MAPRE2: variants seen among roughly 807,000 people sequenced by gnomAD.
MAPRE2 encodes microtubule associated protein RP/EB family member 2.
A neutral mutation model predicts 43.2 loss-of-function variants in MAPRE2; 13 were observed. The observed-to-expected ratio is 0.30, with a 90% CI of 0.20 to 0.48. The LOEUF (loss-of-function observed/expected upper bound fraction) is 0.48. Among genes scored for constraint, MAPRE2 ranks in the 20% least tolerant of loss-of-function variants. The pLI, the probability that MAPRE2 is intolerant of heterozygous loss-of-function variation, is 0.99. For missense variants in MAPRE2, 161 were observed against 400.2 expected, an observed-to-expected ratio of 0.40 and a Z score of 5.10; for synonymous variants, 135 against 148.8, an observed-to-expected ratio of 0.91 and a Z score of 0.68.
chr18:35,082,430 A>G (rs1175496052), intron 2 of MAPRE2, among the ~76,000 whole-genome samples: 1 of 152,190 alleles, frequency 6.6e-6, no homozygotes. Flanking sequence ...CTGGCATTTA[A>G]AGCCTTGAGC....
chr18:35,053,009 CA>C (rs764257176), intron 1 of MAPRE2, among the ~76,000 whole-genome samples: 63,990 of 133,886 alleles, frequency 0.48, 14,796 homozygotes, highest in Non-Finnish European at 0.54. Context: ...AAGTCCCCCC[CA>C]CACACACACA....
At position 35,001,404 on chromosome 18, in the gene MAPRE2, C is replaced by T. The variant is rs578149396; in HGVS notation, c.-69-4088C>T. On this transcript the variant is annotated intron_variant, in intron 1 of 7. Transcript: ENST00000413393. ...TGGCACATGCCTGTAATCCCAGCTACGCGGGAGGTTGAGGCACGAGAATCG... is the reference window on the plus strand; with the variant it reads ...TGGCACATGCCTGTAATCCCAGCTATGCGGGAGGTTGAGGCACGAGAATCG... Among the ~76,000 whole-genome samples the T allele has an allele frequency of 2.0e-5, 3 of 151,950 alleles. No homozygotes were observed. In the South Asian group the frequency reaches 6.2e-4, roughly 32 times the overall value.
At chr18:34,978,680 C>A in intron 1 of MAPRE2, 1 of 793,270 alleles carries the variant, frequency 1.3e-6, no homozygotes, top group Non-Finnish European at 2.1e-6. Context: ...ACTTTGCTTT[C>A]GTTCTTTTCT....
chr18:34,988,579 T>A (rs1342519011), intron 1 of MAPRE2: 1 of 152,164 alleles, frequency 6.6e-6, no homozygotes, highest in Non-Finnish European at 1.5e-5. Flanking sequence ...TGTTTAATGA[T>A]CTGCTTCATA....
intron 5 of MAPRE2, among the ~76,000 whole-genome samples, chr18:35,130,131 C>G (rs188276020): frequency 4.8e-4 from 72 of 151,200 alleles, no homozygotes; most frequent in African/African-American, 1.7e-3. Flanking sequence ...TGGATGTGTC[C>G]TTGCCTGGTA....
chr18:34,992,551 A>G (rs2093331285), intron 1 of MAPRE2, among the ~76,000 whole-genome samples: 1 of 152,206 alleles, frequency 6.6e-6, no homozygotes, highest in African/African-American at 2.4e-5. Flanking sequence ...ACTCTCCACA[A>G]AATATCCCAG....
chr18:35,118,856 C>G (rs182995554), intron 4 of MAPRE2, among the ~76,000 whole-genome samples: 2 of 152,336 alleles, frequency 1.3e-5, no homozygotes, highest in East Asian at 1.9e-4. Context: ...CTTTGCACCC[C>G]CATTCAGCAT....
At chr18:35,028,255 A>T (rs575867009) in intron 2 of MAPRE2, among the ~76,000 whole-genome samples, 1 of 152,220 alleles carries the variant, frequency 6.6e-6, no homozygotes, top group African/African-American at 2.4e-5. Flanking sequence ...GCAGGAACCT[A>T]GGTTTATATC....
chr18:35,032,436 T>C (rs957767961), intron 2 of MAPRE2, among the ~76,000 whole-genome samples: 9 of 152,160 alleles, frequency 5.9e-5, no homozygotes, highest in African/African-American at 2.2e-4. Context: ...TCTGCTATCA[T>C]AGTTGAGAAT....
At chr18:35,060,075 A>G (rs559597119) in intron 1 of MAPRE2, among the ~76,000 whole-genome samples, 1 of 152,320 alleles carries the variant, frequency 6.6e-6, no homozygotes, top group Non-Finnish European at 1.5e-5. Context: ...TGGACTAACA[A>G]CTGAGCATGA....
chr18:35,010,196 G>T (rs2097033799), intron 2 of MAPRE2, among the ~76,000 whole-genome samples: 2 of 152,044 alleles, frequency 1.3e-5, no homozygotes, highest in South Asian at 4.1e-4. Context: ...AGACCAGCCT[G>T]GGCAATATAG....
chr18:35,076,629 GT>G (rs1907370848), intron 2 of MAPRE2, among the ~76,000 whole-genome samples: 1 of 152,174 alleles, frequency 6.6e-6, no homozygotes. Flanking sequence ...TAAAATGCAT[GT>G]GCTTTAGTGG....
chr18:35,071,624 C>T (rs1036447504), intron 2 of MAPRE2, among the ~76,000 whole-genome samples: 4 of 152,176 alleles, frequency 2.6e-5, no homozygotes, highest in Admixed American at 6.5e-5. Context: ...GTCAACATTG[C>T]TCTTTTTCCC....
At chr18:35,003,107 C>T (rs1396094458) in intron 1 of MAPRE2, among the ~76,000 whole-genome samples, 1 of 152,190 alleles carries the variant, frequency 6.6e-6, no homozygotes, top group African/African-American at 2.4e-5. Flanking sequence ...GAGAGCTCTA[C>T]TCCTGCCAAA....
At chr18:35,075,149 C>T (rs1238971816) in intron 2 of MAPRE2, among the ~76,000 whole-genome samples, 1 of 152,114 alleles carries the variant, frequency 6.6e-6, no homozygotes, top group African/African-American at 2.4e-5. Flanking sequence ...ATTCTGGTTA[C>T]GTGATGGCTA....
At chr18:34,980,095 C>T (rs866774226) in intron 1 of MAPRE2, among the ~76,000 whole-genome samples, 11 of 131,922 alleles carry the variant, frequency 8.3e-5, no homozygotes, top group East Asian at 6.9e-4. Flanking sequence ...GGCACGATTT[C>T]GGCTCACTGC....
chr18:35,009,035 T>C (rs978850106), intron 2 of MAPRE2, among the ~76,000 whole-genome samples: 2 of 152,174 alleles, frequency 1.3e-5, no homozygotes, highest in South Asian at 4.1e-4. Flanking sequence ...TTGTGCCTAC[T>C]ATCAGCTAGG....
intron 2 of MAPRE2, among the ~76,000 whole-genome samples, chr18:35,083,531 A>G (rs1167393751): frequency 2.0e-5 from 3 of 152,206 alleles, no homozygotes; most frequent in Admixed American, 2.0e-4. Context: ...TTTCAGTATC[A>G]GCCTCCCTGG....
At chr18:35,139,856 C>T (rs887826231) in intron 6 of MAPRE2, among the ~76,000 whole-genome samples, 1 of 152,214 alleles carries the variant, frequency 6.6e-6, no homozygotes, top group Admixed American at 6.5e-5. Context: ...ACATCCCTAT[C>T]CATTAGTGAG....
Sources: allele counts gnomAD v4.1 joint callset (sites outside exome capture counted in the v4.1 genomes callset), GRCh38; gene constraint gnomAD v4.1.1; transcripts MANE v1.5; gene names NCBI Gene and HGNC (gene_info 2026-07-23, HGNC 2026-07-21).